MYH1: variants seen among roughly 807,000 people sequenced by gnomAD.
MYH1 encodes the protein myosin-1.
MYH1 carries 214 observed loss-of-function variants against 225.6 expected under a neutral mutation model. That is an observed-to-expected ratio of 0.95 (90% CI 0.85 to 1.06). The LOEUF is 1.06. Ranked by LOEUF, MYH1 falls within the 50% of genes least tolerant of loss-of-function variation. The pLI is 0.00. For missense variants in MYH1, 2,098 were observed against 2,344.2 expected (o/e 0.89, Z 2.17); for synonymous variants, 774 against 842.3 (o/e 0.92, Z 1.40).
At chr17:10,507,814 GT>G (rs1177184643) in intron 17 of MYH1, 71 bp downstream of exon 17, 8 of 1,349,360 alleles carry the variant, frequency 5.9e-6, no homozygotes, top group African/African-American at 4.4e-5. Context: ...TGCAAGGTTA[GT>G]TTTTTCCCCC....
intron 14 of MYH1, 62 bp downstream of exon 14, chr17:10,511,777 T>C: frequency 8.1e-6 from 13 of 1,612,146 alleles, no homozygotes; most frequent in Non-Finnish European, 1.0e-5. Context: ...GCATGCTATA[T>C]GACTGCAGCA....
Position 10,515,271 on chromosome 17 carries a change from CT to C in MYH1, c.506-377del, listed in dbSNP as rs113449744. ...TTCACAAAGAGAAAAAATTTACTAT[CT>C]TATGGCCACAGACTAACTTCAATAT... On this transcript the variant is annotated intron_variant, in intron 5 of 39. Coordinates refer to ENST00000226207, the MANE Select transcript of MYH1 (RefSeq NM_005963.4). 2.1e-3 allele frequency among the ~76,000 whole-genome samples: 320 copies of C among 152,306 alleles called. 1 individual carries two copies. Among genetic ancestry groups the C allele is most frequent in the African/African-American group, 7.4e-3 (309 of 41,574 alleles).
intron 20 of MYH1, 27 bp downstream of exon 20, chr17:10,505,361 C>T: frequency 6.2e-7 from 1 of 1,614,208 alleles, no homozygotes; most frequent in Admixed American, 1.7e-5. Flanking sequence ...ACAGGAATAG[C>T]ATCAGGTAGG....
Position 10,497,168 on chromosome 17 carries a change from CT to C in MYH1, c.4556del (p.Gln1519ArgfsTer15). On this transcript the variant is annotated frameshift_variant, in exon 33 of 40. Coordinates refer to ENST00000226207, the MANE Select transcript of MYH1 (RefSeq NM_005963.4). LOFTEE classifies it high-confidence loss of function. ...LQQEISDLTE[Q>X]IAEGGKRIHE... ...GGATGCGCTTTCCTCCTTCTGCAAT[CT>C]GTTCAGTGAGATCAGAAATCTCCTC... is the stretch of plus-strand genomic sequence containing the variant. 6.2e-7 allele frequency: 1 copy of C among 1,613,972 alleles called. No individual in the cohort carries two copies. The highest frequency in any genetic ancestry group is 2.2e-5 in the East Asian group (1 of 44,872).
At position 10,515,980 on chromosome 17, in the gene MYH1, C is replaced by T; in HGVS notation, c.451G>A (p.Ala151Thr). 1.2e-6 allele frequency: 2 copies of T among 1,614,134 alleles called. No individual in the cohort carries two copies. The highest frequency in any genetic ancestry group is 1.7e-6 in the Non-Finnish European group (2 of 1,180,028). Residue 151 changes from alanine (A) to threonine (T), a missense_variant, in exon 5 of 40, where the codon GCC becomes ACC. Transcript: ENST00000226207. ...GAGATGGAGAAGATGTGGGGTGGGG[C>T]CTCCTGGCGCTTTTTGCCTCGGTAG... ...TAYRGKKRQEAPPHIFSISDN... is the reference protein window; with the variant it reads ...TAYRGKKRQETPPHIFSISDN...
rs2142272766 is a variant in MYH1 at position 10,508,805 on chromosome 17, T to C, written c.1588-133A>G. On this transcript the variant is annotated intron_variant, in intron 15 of 39. Coordinates refer to ENST00000226207, the MANE Select transcript of MYH1 (RefSeq NM_005963.4). Reference sequence around the variant, plus strand: ...CAGAGTTAACGAAAACTCGTTCCTTTGGTCAGAAGTCATTAACTTCACAAA... The same window carrying C: ...CAGAGTTAACGAAAACTCGTTCCTTCGGTCAGAAGTCATTAACTTCACAAA... 3 of 1,318,764 alleles carry C rather than the reference T, an allele frequency of 2.3e-6. No individual in the cohort carries two copies. The South Asian group carries it at 4.6e-5, about 20-fold the overall frequency. 81.7% of individuals were successfully genotyped at this position (1,318,764 alleles called of 1,614,324 possible). A position where few individuals can be genotyped will look rare whatever the true frequency, so the allele number is the denominator to read the frequency against.
chr17:10,497,602 C>T, intron 31 of MYH1, 132 bp downstream of exon 31: 1 of 1,495,510 alleles, frequency 6.7e-7, no homozygotes, highest in Non-Finnish European at 9.0e-7. Flanking sequence ...CACTTCCCCT[C>T]TCCACAGACA....
rs1477238452 is a variant in MYH1, at chr17:10,512,513, C to T, written c.1042G>A (p.Glu348Lys). The T allele has an allele frequency of 6.2e-7, 1 of 1,614,088 alleles. No individual in the cohort carries two copies. The highest frequency in any genetic ancestry group is 1.7e-5 in the Admixed American group (1 of 60,024). Reference sequence around the variant, plus strand: ...GTGAGCTTATAGATGGACACTCTTTCATCTGAAGTAAAGCCCAGAATTTCA... The same window carrying T: ...GTGAGCTTATAGATGGACACTCTTTTATCTGAAGTAAAGCCCAGAATTTCA... Reference protein sequence around the residue: ...AIEILGFTSDERVSIYKLTGA... With the variant: ...AIEILGFTSDKRVSIYKLTGA... The change falls in exon 12 of 40, where the codon GAA (glutamate) becomes AAA (lysine). Residue 348 changes from glutamate (E) to lysine (K), a missense_variant. Coordinates refer to ENST00000226207, the MANE Select transcript of MYH1 (RefSeq NM_005963.4).
At chr17:10,502,952 C>A (rs1597438256) in intron 23 of MYH1, 38 bp from the exon 24 acceptor site, 1 of 1,614,178 alleles carries the variant, frequency 6.2e-7, no homozygotes, top group East Asian at 2.2e-5. Context: ...TGCTCTAAAG[C>A]ACCTTTGTTG....
intron 30 of MYH1, 82 bp from the exon 31 acceptor site, chr17:10,497,999 A>T (rs761697190): frequency 1.5e-6 from 2 of 1,308,204 alleles, no homozygotes; most frequent in African/African-American, 1.5e-5. Flanking sequence ...TGAATTCCAC[A>T]ATCAGACTTC....
intron 9 of MYH1, 69 bp downstream of exon 9, chr17:10,513,557 G>C: frequency 3.5e-6 from 5 of 1,437,574 alleles, no homozygotes; most frequent in Non-Finnish European, 4.9e-6. Flanking sequence ...TTCAGCAGGA[G>C]CTGCAAAGTG....
intron 14 of MYH1, 108 bp downstream of exon 14, chr17:10,511,731 C>A: frequency 2.6e-6 from 4 of 1,554,396 alleles, no homozygotes; most frequent in Non-Finnish European, 1.8e-6. Context: ...TAAAGTGCAG[C>A]TATTTTTCAT....
rs775267559 is a variant in MYH1 at position 10,501,254 on chromosome 17, C to A, written c.3594G>T (p.Lys1198Asn). The change falls in exon 27 of 40, where the codon AAG becomes AAT. Residue 1198 changes from lysine to asparagine, a missense_variant. By Grantham distance (94) the Lys-to-Asn change is moderately conservative. Coordinates refer to ENST00000226207, the MANE Select transcript of MYH1 (RefSeq NM_005963.4). ...QHEATAATLR[K>N]KHADSVAELG... is the part of the protein sequence containing the mutation. ...GCTCGGCCACACTATCTGCATGCTT[C>A]TTCCTCAGGGTGGCCGCCGTGGCTT... The A allele has an allele frequency of 1.4e-5, 22 of 1,614,112 alleles. No individual in the cohort carries two copies. Among genetic ancestry groups the A allele is most frequent in the Non-Finnish European group, 1.7e-5 (20 of 1,180,054 alleles).
intron 19 of MYH1, 82 bp downstream of exon 19, chr17:10,505,730 A>C (rs549116095): frequency 5.3e-5 from 82 of 1,542,774 alleles, no homozygotes; most frequent in Non-Finnish European, 6.1e-5. Context: ...TTTTAAGAGG[A>C]GGTATAAAGG....
chr17:10,493,963 T>G (rs1349251390), intron 39 of MYH1, among the ~76,000 whole-genome samples: 10 of 152,204 alleles, frequency 6.6e-5, no homozygotes, highest in Admixed American at 6.5e-4. Context: ...AAATGCTCTT[T>G]TTAAAAAATA....
intron 36 of MYH1, 41 bp downstream of exon 36, chr17:10,495,151 A>G: frequency 6.2e-7 from 1 of 1,614,216 alleles, no homozygotes; most frequent in South Asian, 1.1e-5. Context: ...ACAGCACATT[A>G]AGATTTAAGT....
Position 10,507,895 on chromosome 17 carries a change from A to G in MYH1, c.1959T>C (p.Ala653=). The change falls in exon 17 of 40, where the codon GCT becomes GCC. Residue 653 remains alanine, a synonymous_variant. Transcript: ENST00000226207. ...KKGSSFQTVS[A]LFRENLNKLM... The stretch of plus-strand genomic sequence containing the variant: ...AAAATGAAGTTTGTACCCTGAAGAG[A>G]GCAGACACAGTCTGGAAAGAAGAAC... 5 of 1,613,046 alleles carry G rather than the reference A, an allele frequency of 3.1e-6. No homozygotes were observed. The highest frequency in any genetic ancestry group is 4.2e-6 in the Non-Finnish European group (5 of 1,179,050).
chr17:10,502,566 T>A (rs2073069553), intron 24 of MYH1, among the ~76,000 whole-genome samples, 172 bp downstream of exon 24: 1 of 152,238 alleles, frequency 6.6e-6, no homozygotes, highest in African/African-American at 2.4e-5. Context: ...TTATTGATTT[T>A]AAAAACTTTA....
At chr17:10,495,894 G>T (rs748212995) in intron 35 of MYH1, 56 bp downstream of exon 35, 4 of 1,601,000 alleles carry the variant, frequency 2.5e-6, no homozygotes, top group Non-Finnish European at 3.4e-6. Context: ...CACGATTTCA[G>T]CAAGAATGTC....
Sources: gnomAD v4.1 joint callset for allele counts (sites outside exome capture counted in the v4.1 genomes callset) on GRCh38, gnomAD v4.1.1 for gene constraint, MANE v1.5 for transcripts, NCBI Gene and HGNC (gene_info 2026-07-23, HGNC 2026-07-21) for gene names.